The following ATP6V1E1 variants were observed in gnomAD, a reference collection of about 807,000 sequenced individuals.
ATP6V1E1 encodes the protein V-type proton ATPase subunit E 1.
ATP6V1E1 carries 21 observed loss-of-function variants against 35.2 expected under a neutral mutation model. That is an observed-to-expected ratio of 0.60 (90% CI 0.42 to 0.86). The LOEUF (loss-of-function observed/expected upper bound fraction) is 0.86. Among genes scored for constraint, ATP6V1E1 ranks in the 40% least tolerant of loss-of-function variants. The pLI, the probability that ATP6V1E1 is intolerant of heterozygous loss-of-function variation, is 0.00. For missense variants in ATP6V1E1, 183 were observed against 272.6 expected, an observed-to-expected ratio of 0.67 and a Z score of 2.32; for synonymous variants, 83 against 87.8, an observed-to-expected ratio of 0.95 and a Z score of 0.30.
chr22:17,607,170 T>C (rs534845483), intron 4 of ATP6V1E1, among the ~76,000 whole-genome samples: 2 of 151,962 alleles, frequency 1.3e-5, no homozygotes, highest in African/African-American at 2.4e-5. Flanking sequence ...TTTTTTTTTT[T>C]ATTTTTGACA....
At chr22:17,612,442 C>T (rs1419988975) in intron 4 of ATP6V1E1, among the ~76,000 whole-genome samples, 1 of 152,160 alleles carries the variant, frequency 6.6e-6, no homozygotes, top group African/African-American at 2.4e-5. Flanking sequence ...ATATTCTCCA[C>T]AAAATAATAC....
chr22:17,615,122 G>A (rs1286283667), intron 2 of ATP6V1E1, among the ~76,000 whole-genome samples: 1 of 151,582 alleles, frequency 6.6e-6, no homozygotes, highest in African/African-American at 2.4e-5. Flanking sequence ...CCAACATAGT[G>A]AAACCCCATC....
chr22:17,593,417 AAAGAACACTTCCAAT>A (rs756549527), intron 8 of ATP6V1E1, among the ~76,000 whole-genome samples: 8 of 152,208 alleles, frequency 5.3e-5, no homozygotes, highest in Non-Finnish European at 8.8e-5. Context: ...CAGCAGCTGC[AAAGAACACTTCCAAT>A]GCCAGCTTAG....
intron 7 of ATP6V1E1, among the ~76,000 whole-genome samples, chr22:17,596,132 A>AAAATAAATAAAT (rs563541510): frequency 0.012 from 1,754 of 151,870 alleles, 41 homozygotes; most frequent in African/African-American, 0.04. Flanking sequence ...TCTGTCTCAA[A>AAAATAAATAAAT]AAATAAATAA....
At chr22:17,613,119 A>T in intron 3 of ATP6V1E1, 92 bp downstream of exon 3, 1 of 1,117,762 alleles carries the variant, frequency 8.9e-7, no homozygotes, top group Non-Finnish European at 1.3e-6. Context: ...TGGTCGAGTT[A>T]AGACCTGAAT....
intron 1 of ATP6V1E1, 45 bp downstream of exon 1, chr22:17,628,558 C>A (rs762695427): frequency 6.2e-7 from 1 of 1,613,410 alleles, no homozygotes; most frequent in Non-Finnish European, 8.5e-7. Context: ...GCCCACTCCC[C>A]GGGACTGCCG....
At chr22:17,627,834 A>G (rs2057925645) in intron 1 of ATP6V1E1, among the ~76,000 whole-genome samples, 2 of 144,754 alleles carry the variant, frequency 1.4e-5, no homozygotes, top group African/African-American at 5.2e-5. Context: ...AAAAAAAAAG[A>G]AAAAAAGAAA....
chr22:17,611,979 G>A (rs1422354956), intron 4 of ATP6V1E1, among the ~76,000 whole-genome samples: 1 of 152,160 alleles, frequency 6.6e-6, no homozygotes, highest in Non-Finnish European at 1.5e-5. Flanking sequence ...ATTATAGAGA[G>A]ATCTACTTTT....
At position 17,621,475 on chromosome 22, in the gene ATP6V1E1, T is replaced by C. The variant is rs2057877359; in HGVS notation, c.34-1949A>G. Among the ~76,000 whole-genome samples the C allele has an allele frequency of 2.6e-5, 4 of 152,242 alleles. No individual in the cohort carries two copies. In the South Asian group the frequency reaches 8.3e-4, roughly 32 times the overall value. On this transcript the variant is annotated intron_variant, in intron 1 of 8. Coordinates refer to ENST00000253413, the MANE Select transcript of ATP6V1E1 (RefSeq NM_001696.4). ...CACGTCCAGCTTAATTTTGTATTTT[T>C]TGTAGAGAGGGGTTTTGCCATGTTG...
intron 6 of ATP6V1E1, among the ~76,000 whole-genome samples, chr22:17,599,690 C>T (rs1331149854): frequency 2.0e-5 from 3 of 149,048 alleles, no homozygotes; most frequent in South Asian, 2.1e-4. Context: ...GAGGACGAGG[C>T]GGGTGGATCA....
At chr22:17,602,870 A>G (rs1006749602) in intron 4 of ATP6V1E1, among the ~76,000 whole-genome samples, 14 of 152,258 alleles carry the variant, frequency 9.2e-5, no homozygotes, top group Non-Finnish European at 1.5e-4. Context: ...TCACTCATTT[A>G]TAATTGTAAA....
At chr22:17,599,381 C>A (rs2057749757) in intron 6 of ATP6V1E1, among the ~76,000 whole-genome samples, 1 of 151,244 alleles carries the variant, frequency 6.6e-6, no homozygotes, top group African/African-American at 2.4e-5. Flanking sequence ...TTGAGACCAG[C>A]CTGGCCAACA....
intron 1 of ATP6V1E1, among the ~76,000 whole-genome samples, chr22:17,623,184 T>A (rs1160096222): frequency 6.6e-6 from 1 of 152,180 alleles, no homozygotes; most frequent in African/African-American, 2.4e-5. Context: ...TGATCAAACC[T>A]ATGTTATAGA....
chr22:17,599,849 C>T lies in ATP6V1E1; in HGVS notation c.435+178G>A, dbSNP rs558206153. Among the ~76,000 whole-genome samples, 560 of 150,930 alleles carry T rather than the reference C, an allele frequency of 3.7e-3. 2 individuals carry two copies. Among genetic ancestry groups the T allele is most frequent in the African/African-American group, 0.013 (519 of 41,048 alleles). The stretch of plus-strand genomic sequence containing the variant: ...CTGAGGCAGGAGAATCGCTTGAACC[C>T]GGCAGGCAGAGGTTACAGGTGAGTG... On this transcript the variant is annotated intron_variant, in intron 6 of 8. Transcript: ENST00000253413.
chr22:17,609,051 C>T (rs974317072), intron 4 of ATP6V1E1, among the ~76,000 whole-genome samples: 1 of 152,050 alleles, frequency 6.6e-6, no homozygotes, highest in Non-Finnish European at 1.5e-5. Flanking sequence ...CGCGCCACTG[C>T]CACTGCACTC....
At chr22:17,607,820 C>T (rs544513271) in intron 4 of ATP6V1E1, among the ~76,000 whole-genome samples, 6 of 152,156 alleles carry the variant, frequency 3.9e-5, no homozygotes, top group Non-Finnish European at 8.8e-5. Context: ...TGAACATCTG[C>T]ATTTTAACAA....
At chr22:17,618,812 C>T (rs994645601) in intron 2 of ATP6V1E1, among the ~76,000 whole-genome samples, 1 of 151,932 alleles carries the variant, frequency 6.6e-6, no homozygotes, top group African/African-American at 2.4e-5. Flanking sequence ...CCAGCCTGGC[C>T]AACATGGTGA....
chr22:17,597,329 G>A (rs2057737171), intron 7 of ATP6V1E1, among the ~76,000 whole-genome samples: 1 of 151,534 alleles, frequency 6.6e-6, no homozygotes, highest in Non-Finnish European at 1.5e-5. Context: ...CAGTGAAATC[G>A]AGAAAATGAC....
chr22:17,625,018 T>C (rs1044608502), intron 1 of ATP6V1E1, among the ~76,000 whole-genome samples: 15 of 152,112 alleles, frequency 9.9e-5, no homozygotes, highest in African/African-American at 3.6e-4. Context: ...AAGCTTTTCC[T>C]ATATTGAAAG....
Sources: allele counts gnomAD v4.1 joint callset (sites outside exome capture counted in the v4.1 genomes callset), GRCh38; gene constraint gnomAD v4.1.1; transcripts MANE v1.5; gene names NCBI Gene and HGNC (gene_info 2026-07-23, HGNC 2026-07-21).